PAX9: variants seen among roughly 807,000 people sequenced by gnomAD.
PAX9 encodes paired box 9.
Under a neutral mutation model 29.1 loss-of-function variants are expected in PAX9, and 6 were observed. The observed-to-expected ratio is 0.21, with a 90% CI of 0.11 to 0.41. PAX9 has a LOEUF of 0.41. Among genes scored for constraint, PAX9 ranks in the 10% least tolerant of loss-of-function variants. PAX9 has a pLI of 1.00. For synonymous variants in PAX9, 217 were observed against 211.7 expected, an observed-to-expected ratio of 1.03 and a Z score of -0.22; for missense variants, 443 against 479.1, an observed-to-expected ratio of 0.92 and a Z score of 0.70.
chr14:36,671,600 T>C (rs754533936), intron 3 of PAX9, among the ~76,000 whole-genome samples: 1 of 152,154 alleles, frequency 6.6e-6, no homozygotes, highest in Non-Finnish European at 1.5e-5. Context: ...GTGGAATGCT[T>C]ATGATGTATC....
intron 3 of PAX9, among the ~76,000 whole-genome samples, chr14:36,669,706 AGT>A (rs1881638130): frequency 6.6e-6 from 1 of 152,126 alleles, no homozygotes; most frequent in East Asian, 1.9e-4. Flanking sequence ...CCTGATTCCT[AGT>A]AATTAAAACT....
In PAX9 at chr14:36,662,048, G is replaced by C. The variant is rs1217999937; in HGVS notation, c.-42G>C. On this transcript the variant is annotated 5_prime_UTR_variant, in exon 1 of 4. Coordinates refer to ENST00000361487, the MANE Select transcript of PAX9 (RefSeq NM_001372076.1). ...AGGCGGTGCGGAAAGTTTCTGTCTGGGAGTGCGGAACTGGGGCCGGGTTGG... is the reference window on the plus strand; with the variant it reads ...AGGCGGTGCGGAAAGTTTCTGTCTGCGAGTGCGGAACTGGGGCCGGGTTGG... 1.3e-6 allele frequency: 2 copies of C among 1,560,168 alleles called. No individual in the cohort carries two copies. The highest frequency in any genetic ancestry group is 1.7e-6 in the Non-Finnish European group (2 of 1,152,996).
intron 2 of PAX9, 75 bp downstream of exon 2, chr14:36,663,598 A>T: frequency 6.4e-7 from 1 of 1,569,322 alleles, no homozygotes; most frequent in East Asian, 2.3e-5. Flanking sequence ...CAGTATCTGC[A>T]GCCTCAGGGA....
chr14:36,678,942 T>TAA lies in PAX9; in HGVS notation c.*2491_*2492dup, dbSNP rs981569842. The TAA allele has an allele frequency of 8.2e-6, 8 of 981,098 alleles. No individual in the cohort carries two copies. The highest frequency in any genetic ancestry group is 1.1e-4 in the East Asian group (1 of 8,828). The allele number at this position is 981,098 out of a possible 1,614,324, so 60.8% of individuals were successfully genotyped here. A position where few individuals can be genotyped will look rare whatever the true frequency, so the allele number is the denominator to read the frequency against. On this transcript the variant is annotated 3_prime_UTR_variant, in exon 4 of 4. Coordinates refer to ENST00000361487, the MANE Select transcript of PAX9 (RefSeq NM_001372076.1). ...AGGAAAATAGGATGGATTAAAGGGT[T>TAA]AACTTTTAAAGATTATTATTGGTTA...
chr14:36,669,513 C>G (rs1027942132), intron 3 of PAX9, among the ~76,000 whole-genome samples: 11 of 152,012 alleles, frequency 7.2e-5, no homozygotes, highest in Non-Finnish European at 1.5e-5. Flanking sequence ...TTATATGATA[C>G]TAGTTTAATT....
intron 3 of PAX9, 152 bp downstream of exon 3, chr14:36,666,753 G>T (rs1881511644): frequency 1.8e-6 from 2 of 1,098,358 alleles, no homozygotes; most frequent in East Asian, 5.2e-5. Context: ...TCGTGGACTG[G>T]GGCGAAGCAG....
intron 3 of PAX9, among the ~76,000 whole-genome samples, chr14:36,669,788 T>A (rs1192837884): frequency 6.6e-6 from 1 of 152,102 alleles, no homozygotes; most frequent in East Asian, 1.9e-4. Flanking sequence ...TATTCTAACT[T>A]GTCTTACATA....
In PAX9 at chr14:36,676,293, C is replaced by T; in HGVS notation, c.867C>T (p.Tyr289=). 3 of 1,614,236 alleles carry T rather than the reference C, an allele frequency of 1.9e-6. No individual in the cohort carries two copies. The highest frequency in any genetic ancestry group is 2.5e-6 in the Non-Finnish European group (3 of 1,180,052). ...CCCAAGTGTCGCCTTACATGACCTA[C>T]AGTGCTGCTCCTTCTGGTTATGTTG... is the stretch of plus-strand genomic sequence containing the variant. ...TPAQVSPYMT[Y]SAAPSGYVAG... The change falls in exon 4 of 4, where the codon TAC becomes TAT. Residue 289 remains tyrosine (Y), a synonymous_variant. Transcript: ENST00000361487.
upstream of PAX9, among the ~76,000 whole-genome samples, chr14:36,659,909 C>T (rs535437947): frequency 6.6e-6 from 1 of 152,196 alleles, no homozygotes; most frequent in Non-Finnish European, 1.5e-5. Flanking sequence ...CCCCAGACCC[C>T]CCGCGGGACA....
upstream of PAX9, among the ~76,000 whole-genome samples, chr14:36,661,168 C>T (rs1881246749): frequency 6.6e-6 from 1 of 152,234 alleles, no homozygotes; most frequent in Non-Finnish European, 1.5e-5. Flanking sequence ...TGGTTCAGTT[C>T]CCCGCACACG....
At chr14:36,663,892 C>T (rs905966883) in intron 2 of PAX9, among the ~76,000 whole-genome samples, 4 of 152,236 alleles carry the variant, frequency 2.6e-5, no homozygotes, top group Non-Finnish European at 5.9e-5. Context: ...CCGGGAGGCC[C>T]GAGCCTGCTT....
At position 36,662,877 on chromosome 14, in the gene PAX9, G is replaced by A. The variant is rs1482217606; in HGVS notation, c.5-20G>A. 1.2e-6 allele frequency: 2 copies of A among 1,605,286 alleles called. No homozygotes were observed. The highest frequency in any genetic ancestry group is 1.7e-6 in the Non-Finnish European group (2 of 1,175,008). Reference sequence around the variant, plus strand: ...AAGCAGCGGGTGCGCGTCCCTGCGCGCTGTGTGTTCATTTTGCAGAGCCAG... The same window carrying A: ...AAGCAGCGGGTGCGCGTCCCTGCGCACTGTGTGTTCATTTTGCAGAGCCAG... On this transcript the variant is annotated intron_variant, in intron 1 of 3. Coordinates refer to ENST00000361487, the MANE Select transcript of PAX9 (RefSeq NM_001372076.1).
intron 3 of PAX9, among the ~76,000 whole-genome samples, chr14:36,670,598 A>G (rs1473564461): frequency 1.3e-5 from 2 of 152,210 alleles, no homozygotes; most frequent in Non-Finnish European, 2.9e-5. Flanking sequence ...TTTATAGACA[A>G]TGAAATCTTA....
Position 36,678,730 on chromosome 14 carries a change from T to C in PAX9, c.*2278T>C, listed in dbSNP as rs182186668. 9.1e-5 allele frequency: 107 copies of C among 1,180,296 alleles called. No individual in the cohort carries two copies. In the African/African-American group the frequency reaches 1.5e-3, roughly 17 times the overall value. The allele number at this position is 1,180,296 out of a possible 1,614,324, so 73.1% of individuals were successfully genotyped here. ...ATCTAAATTAAGAAATCTCTTGTTA[T>C]TGTGCTATTTATAATTTTTTTCTGG... On this transcript the variant is annotated 3_prime_UTR_variant, in exon 4 of 4. Transcript: ENST00000361487.
chr14:36,673,041 T>C (rs1293961845), intron 3 of PAX9, among the ~76,000 whole-genome samples: 1 of 151,394 alleles, frequency 6.6e-6, no homozygotes, highest in Non-Finnish European at 1.5e-5. Context: ...AATTTTTGCG[T>C]TTTTAGTAGA....
At chr14:36,663,587 C>G (rs1248782214) in intron 2 of PAX9, 64 bp downstream of exon 2, 12 of 1,591,452 alleles carry the variant, frequency 7.5e-6, no homozygotes, top group Non-Finnish European at 1.0e-5. Context: ...CGCGGAGGTC[C>G]CAGTATCTGC....
rs1881912578 is a variant in PAX9 at position 36,676,820 on chromosome 14, C to T, written c.*368C>T. 1 of 260,486 alleles carries T rather than the reference C, an allele frequency of 3.8e-6. No homozygotes were observed. Among genetic ancestry groups the T allele is most frequent in the Admixed American group, 5.0e-5 (1 of 20,156 alleles). The allele number at this position is 260,486 out of a possible 1,614,324, so 16.1% of individuals were successfully genotyped here. A position where few individuals can be genotyped will look rare whatever the true frequency, so the allele number is the denominator to read the frequency against. On this transcript the variant is annotated 3_prime_UTR_variant, in exon 4 of 4. Coordinates refer to ENST00000361487, the MANE Select transcript of PAX9 (RefSeq NM_001372076.1). ...CATGTGTATATTTATTCTAAATCAACCTGAACTTTTGAAATGTGCAATTGT... is the reference window on the plus strand; with the variant it reads ...CATGTGTATATTTATTCTAAATCAATCTGAACTTTTGAAATGTGCAATTGT...
rs1396627161 is a variant in PAX9 at position 36,663,281 on chromosome 14, A to G, written c.389A>G (p.Lys130Arg). 6.2e-7 allele frequency: 1 copy of G among 1,614,178 alleles called. No individual in the cohort carries two copies. Among genetic ancestry groups the G allele is most frequent in the African/African-American group, 1.3e-5 (1 of 75,070 alleles). Residue 130 changes from lysine to arginine, a missense_variant, in exon 2 of 4, where the codon AAG becomes AGG. Physicochemically the swap from Lys to Arg is conservative, Grantham distance 26. Transcript: ENST00000361487. ...TCCATCAGCCGCATTCTGCGCAACA[A>G]GATCGGCAACTTGGCCCAGCAGGGT... ...VSSISRILRN[K>R]IGNLAQQGHY...
At chr14:36,666,318 G>A in intron 2 of PAX9, 144 bp from the exon 3 acceptor site, 1 of 1,066,988 alleles carries the variant, frequency 9.4e-7, no homozygotes, top group South Asian at 1.6e-5. Context: ...TCGCGGCTGG[G>A]CCCAGCGCCC....
Sources: gnomAD v4.1 joint callset for allele counts (sites outside exome capture counted in the v4.1 genomes callset) on GRCh38, gnomAD v4.1.1 for gene constraint, MANE v1.5 for transcripts, NCBI Gene and HGNC (gene_info 2026-07-23, HGNC 2026-07-21) for gene names.